PDE4DIP: variants seen among roughly 807,000 people sequenced by gnomAD.
PDE4DIP encodes myomegalin.
In PDE4DIP, 59 loss-of-function variants were observed where a neutral mutation model predicts 221.4. The ratio of observed to expected loss-of-function variants is 0.27; its 90% CI spans 0.22 to 0.33. The LOEUF is 0.33. Ranked by LOEUF, PDE4DIP falls within the 10% of genes least tolerant of loss-of-function variation. The pLI, the probability that PDE4DIP is intolerant of heterozygous loss-of-function variation, is 1.00. For missense variants in PDE4DIP, 1,036 were observed against 2,154.2 expected (o/e 0.48, Z 10.28); for synonymous variants, 404 against 815.9 (o/e 0.50, Z 8.60).
At chr1:149,032,388 A>G (rs1321562941) in exon 44 of PDE4DIP, 32 of 480,786 alleles carry the variant, frequency 6.7e-5, no homozygotes, top group Admixed American at 1.3e-4. Flanking sequence ...TTCCGATGAA[A>G]GGGGCACGTG....
intron 1 of PDE4DIP, among the ~76,000 whole-genome samples, chr1:148,858,400 T>G (rs1303421022): frequency 9.1e-6 from 1 of 110,094 alleles, no homozygotes; most frequent in Non-Finnish European, 1.8e-5. Flanking sequence ...TTCATAATAA[T>G]AAAATATATA....
exon 30 of PDE4DIP, chr1:149,009,746 G>A (rs782274388): frequency 1.1e-5 from 18 of 1,613,400 alleles, no homozygotes; most frequent in East Asian, 4.5e-5. Context: ...CATAGTCAGC[G>A]AGTACACACA....
intron 1 of PDE4DIP, among the ~76,000 whole-genome samples, chr1:148,920,161 A>C (rs2045233049): frequency 6.9e-6 from 1 of 143,934 alleles, no homozygotes; most frequent in African/African-American, 2.8e-5. Context: ...TTGAGATGGA[A>C]TCTCACTCTT....
rs1444519379 is a variant in PDE4DIP, at chr1:148,877,315, T to C, written c.441+8693T>C. Among the ~76,000 whole-genome samples the C allele has an allele frequency of 3.0e-4, 44 of 148,416 alleles. 1 individual carries two copies. The highest frequency in any genetic ancestry group is 1.9e-3 in the Admixed American group (29 of 15,128). On this transcript the variant is annotated intron_variant, in intron 3 of 45. Coordinates refer to the PDE4DIP transcript ENST00000524974. ...CATACCAAAACATTGATATTGATTA[T>C]GTCTGGATGATGGAATTAGCCTATT... is the stretch of plus-strand genomic sequence containing the variant.
intron 32 of PDE4DIP, among the ~76,000 whole-genome samples, chr1:149,014,762 A>C (rs1341429087): frequency 6.8e-6 from 1 of 147,226 alleles, no homozygotes; most frequent in Non-Finnish European, 1.5e-5. Context: ...CCGTGTGGAC[A>C]GTGGTGCATG....
chr1:148,859,832 G>A (rs201107763), intron 1 of PDE4DIP, among the ~76,000 whole-genome samples: 30,046 of 108,490 alleles, frequency 0.28, 1,752 homozygotes, highest in East Asian at 0.39. Flanking sequence ...GTGTGTGTAT[G>A]TGTGTGTGTG....
At chr1:148,984,293 C>A (rs1431791328) in intron 21 of PDE4DIP, 1 of 152,034 alleles carries the variant, frequency 6.6e-6, no homozygotes, top group Admixed American at 6.6e-5. Context: ...TTGTGGACAG[C>A]AGTAATTTTT....
rs1385783883 is a variant in PDE4DIP, at chr1:148,844,509, G to A, written c.234-18741G>A. On this transcript the variant is annotated intron_variant, in intron 1 of 45. Transcript: ENST00000524974. ...AGCTCACGAAACAGCCCCGGGCGCC[G>A]CGCCGCTCTGAGTCCAGCCTCCTAC... 6.2e-5 allele frequency: 7 copies of A among 113,762 alleles called. 1 individual carries two copies. The highest frequency in any genetic ancestry group is 8.4e-5 in the Non-Finnish European group (5 of 59,476). The allele number at this position is 113,762 out of a possible 1,614,324, so 7.0% of individuals were successfully genotyped here. A position where few individuals can be genotyped will look rare whatever the true frequency, so the allele number is the denominator to read the frequency against.
chr1:148,821,565 C>A lies in PDE4DIP; in HGVS notation c.233+12828C>A, dbSNP rs1290666217. On this transcript the variant is annotated intron_variant, in intron 1 of 45. Transcript: ENST00000524974. ...GCAGGAGGTGAAAGAACTGCAAAAC[C>A]CCTAAGGTAGAAATAAGCTTAGTGT... 6.7e-5 allele frequency among the ~76,000 whole-genome samples: 10 copies of A among 149,582 alleles called. No individual in the cohort carries two copies. In the East Asian group the frequency reaches 1.4e-3, roughly 21 times the overall value.
rs1286003605 is a variant in PDE4DIP, at chr1:148,892,658, T to A, written c.141+2764T>A. ...ATTTGAGGGATCTCAAACTACTGTA[T>A]CCCCTCCTCTTCCTTCTCATCAAAT... On this transcript the variant is annotated intron_variant, in intron 1 of 43. Transcript: ENST00000369354. Among the ~76,000 whole-genome samples, 7 of 119,788 alleles carry A rather than the reference T, an allele frequency of 5.8e-5. 1 individual carries two copies. The highest frequency in any genetic ancestry group is 1.2e-4 in the Non-Finnish European group (7 of 59,466). 78.6% of individuals were successfully genotyped at this position (119,788 alleles called of 152,430 possible).
At chr1:148,992,169 C>T in intron 22 of PDE4DIP, 196 bp downstream of exon 25, 1 of 699,592 alleles carries the variant, frequency 1.4e-6, no homozygotes, top group Non-Finnish European at 2.5e-6. Flanking sequence ...TTTTTCTCTC[C>T]AATCCACCCT....
chr1:148,823,497 G>C (rs1184117660), intron 1 of PDE4DIP, among the ~76,000 whole-genome samples: 2 of 150,218 alleles, frequency 1.3e-5, no homozygotes, highest in Admixed American at 1.3e-4. Flanking sequence ...AGAATGGGGG[G>C]ATTTTGTCCA....
chr1:148,929,596 A>T (rs1310160611), intron 2 of PDE4DIP: 1 of 293,652 alleles, frequency 3.4e-6, no homozygotes, highest in African/African-American at 2.2e-5. Context: ...ATCAAAAAGT[A>T]TCAGTCAGCC....
chr1:148,951,829 C>T (rs1553488933), intron 5 of PDE4DIP: 1 of 156,452 alleles, frequency 6.4e-6, no homozygotes, highest in African/African-American at 2.4e-5. Context: ...GAGAAACACT[C>T]CTCTACTCTT....
At chr1:149,017,719 CTCTTCA>C in intron 33 of PDE4DIP, 23 bp from the exon 37 acceptor site, 1 of 1,416,320 alleles carries the variant, frequency 7.1e-7, no homozygotes, top group East Asian at 2.5e-5. Flanking sequence ...TCTCCCACCT[CTCTTCA>C]TGTCCTGGTG....
intron 18 of PDE4DIP, 29 bp from the exon 22 acceptor site, chr1:148,978,249 C>T (rs781891026): frequency 6.4e-7 from 1 of 1,556,240 alleles, no homozygotes; most frequent in South Asian, 1.2e-5. Context: ...TTACTATTTT[C>T]ACATCCATAC....
chr1:148,950,476 T>A (rs1185714304), intron 5 of PDE4DIP, among the ~76,000 whole-genome samples: 2 of 152,292 alleles, frequency 1.3e-5, no homozygotes, highest in Non-Finnish European at 2.9e-5. Flanking sequence ...AGGCCATTCT[T>A]GCATTGCTAT....
chr1:148,948,801 G>A (rs587730871), intron 5 of PDE4DIP, among the ~76,000 whole-genome samples: 1 of 151,666 alleles, frequency 6.6e-6, no homozygotes, highest in East Asian at 1.9e-4. Flanking sequence ...CATCACCTCA[G>A]AAAATTTCTT....
At chr1:148,877,117 G>T (rs1403714472) in intron 3 of PDE4DIP, among the ~76,000 whole-genome samples, 1 of 147,968 alleles carries the variant, frequency 6.8e-6, no homozygotes, top group Non-Finnish European at 1.5e-5. Flanking sequence ...ATTATTTCAA[G>T]TGTGGAATAT....
Sources: allele counts gnomAD v4.1 joint callset (sites outside exome capture counted in the v4.1 genomes callset), GRCh38; gene constraint gnomAD v4.1.1; transcripts MANE v1.5; gene names NCBI Gene and HGNC (gene_info 2026-07-23, HGNC 2026-07-21).